Variants in FUT8 observed in about 807,000 individuals in gnomAD.
FUT8 encodes the protein fucosyltransferase 8.
A neutral mutation model predicts 71.3 loss-of-function variants in FUT8; 29 were observed. The observed-to-expected ratio is 0.41, with a 90% CI of 0.30 to 0.55. The LOEUF is 0.55. FUT8 is among the 20% of genes least tolerant of loss of function. The pLI is 0.34. For missense variants in FUT8, 544 were observed against 702.1 expected (o/e 0.77, Z 2.55); for synonymous variants, 254 against 239.3 (o/e 1.06, Z -0.57).
chr14:65,387,678 G>A, the FUT8 span, among the ~76,000 whole-genome samples: 1 of 152,186 alleles, frequency 6.6e-6, no homozygotes, highest in African/African-American at 2.4e-5. Context: ...GGTTTCTCTT[G>A]CCTGTGCTGT....
At chr14:65,357,264 G>A in the FUT8 span, among the ~76,000 whole-genome samples, 51 of 152,342 alleles carry the variant, frequency 3.3e-4, no homozygotes, top group Middle Eastern at 3.4e-3. Context: ...TGTAGTTACT[G>A]TTGTTGCTGT....
intron 2 of FUT8, among the ~76,000 whole-genome samples, chr14:65,479,419 TG>T (rs2066295406): frequency 6.6e-6 from 1 of 152,218 alleles, no homozygotes; most frequent in Non-Finnish European, 1.5e-5. Context: ...TCTCTAACAC[TG>T]GGTATTCTTG....
At chr14:65,412,049 C>T (rs2065134706), upstream of FUT8, 1 of 456,734 alleles carries the variant, frequency 2.2e-6, no homozygotes, top group Non-Finnish European at 4.4e-6. Context: ...TTCTCTTTCC[C>T]GTACTAAATA....
At chr14:65,460,094 ACATCT>A (rs1298747448) in intron 2 of FUT8, among the ~76,000 whole-genome samples, 2 of 152,206 alleles carry the variant, frequency 1.3e-5, no homozygotes, top group South Asian at 2.1e-4. Context: ...TTCTCTGGAA[ACATCT>A]CATTGTATTG....
intron 6 of FUT8, among the ~76,000 whole-genome samples, chr14:65,639,535 CACACTT>C (rs1444369027): frequency 6.6e-6 from 1 of 151,936 alleles, no homozygotes; most frequent in Non-Finnish European, 1.5e-5. Context: ...CACACACACA[CACACTT>C]TTGAAACTTC....
In FUT8 at chr14:65,643,608, C is replaced by A. The variant is rs1269274067; in HGVS notation, c.597+14002C>A. On this transcript the variant is annotated intron_variant, in intron 6 of 10. Coordinates refer to ENST00000673929, the MANE Select transcript of FUT8 (RefSeq NM_001371533.1). This position sits in a 1 kb window ranked among gnomAD's most constrained non-coding sequence, Gnocchi z 4.5. The stretch of plus-strand genomic sequence containing the variant: ...GGCGGAGCTTGCAGTGAGCAGAGAT[C>A]ATGCCACTGCACTGCAGCCTGGGCG... 6.7e-6 allele frequency among the ~76,000 whole-genome samples: 1 copy of A among 150,116 alleles called. No individual in the cohort carries two copies. The highest frequency in any genetic ancestry group is 2.0e-4 in the East Asian group (1 of 5,052).
At chr14:65,448,213 A>G (rs961948561) in intron 1 of FUT8, among the ~76,000 whole-genome samples, 36 of 152,166 alleles carry the variant, frequency 2.4e-4, no homozygotes, top group Non-Finnish European at 1.0e-4. Flanking sequence ...TAAAAACGCC[A>G]GATGATGTTT....
chr14:65,506,351 G>A lies in FUT8; in HGVS notation c.-228+50633G>A, dbSNP rs575280820. On this transcript the variant is annotated intron_variant, in intron 2 of 10. Transcript: ENST00000673929. ...TGTATTTCTTGCTATAAAAAAAGAAGTAAAGAACACTATACAGTGGACTAA... is the reference window on the plus strand; with the variant it reads ...TGTATTTCTTGCTATAAAAAAAGAAATAAAGAACACTATACAGTGGACTAA... Among the ~76,000 whole-genome samples the A allele has an allele frequency of 1.2e-3, 188 of 152,308 alleles. 1 individual carries two copies. The highest frequency in any genetic ancestry group is 4.4e-3 in the African/African-American group (183 of 41,574).
intron 1 of FUT8, chr14:65,430,107 C>G (rs1002494850): frequency 6.6e-6 from 1 of 151,798 alleles, no homozygotes. Context: ...GCAGCCTCGA[C>G]CCCTGGGGCA....
At chr14:65,730,210 T>G (rs541276457) in intron 9 of FUT8, among the ~76,000 whole-genome samples, 2 of 152,340 alleles carry the variant, frequency 1.3e-5, no homozygotes, top group South Asian at 2.1e-4. Flanking sequence ...TGATGTATAG[T>G]GTTCACACAG....
At chr14:65,397,381 C>G in the FUT8 span, among the ~76,000 whole-genome samples, 2 of 152,194 alleles carry the variant, frequency 1.3e-5, no homozygotes, top group East Asian at 3.8e-4. This position sits in a 1 kb window ranked among gnomAD's most constrained non-coding sequence, Gnocchi z 4.2. Flanking sequence ...ATCTGGTGTA[C>G]AGCAGGTCCT....
intron 9 of FUT8, among the ~76,000 whole-genome samples, chr14:65,728,900 T>C (rs1017962428): frequency 6.6e-6 from 1 of 152,202 alleles, no homozygotes; most frequent in African/African-American, 2.4e-5. Flanking sequence ...TAATGATGTA[T>C]TTCTCAGAAC....
chr14:65,696,609 T>G (rs1345359081), intron 7 of FUT8, among the ~76,000 whole-genome samples: 3 of 152,118 alleles, frequency 2.0e-5, no homozygotes, highest in African/African-American at 7.2e-5. Flanking sequence ...GATTTGTGGT[T>G]TTGTGTCTCT....
At chr14:65,429,276 G>C (rs2065433260) in intron 1 of FUT8, among the ~76,000 whole-genome samples, 2 of 152,194 alleles carry the variant, frequency 1.3e-5, no homozygotes, top group African/African-American at 4.8e-5. Flanking sequence ...GTAGTAGGAA[G>C]TATGGCTATT....
intron 6 of FUT8, among the ~76,000 whole-genome samples, chr14:65,632,392 T>G (rs1890235503): frequency 6.6e-6 from 1 of 152,188 alleles, no homozygotes; most frequent in African/African-American, 2.4e-5. Flanking sequence ...CATCTACTGT[T>G]TTTTGATTTT....
intron 1 of FUT8, among the ~76,000 whole-genome samples, chr14:65,435,214 A>G (rs1018773876): frequency 6.6e-6 from 1 of 152,158 alleles, no homozygotes; most frequent in Non-Finnish European, 1.5e-5. Flanking sequence ...ATAATATACA[A>G]TGTAAATACT....
chr14:65,720,404 C>A (rs544844030), intron 7 of FUT8, among the ~76,000 whole-genome samples: 1 of 152,356 alleles, frequency 6.6e-6, no homozygotes, highest in East Asian at 1.9e-4. Flanking sequence ...GAGTGCCATA[C>A]AAGAGCCAAG....
intron 5 of FUT8, 111 bp downstream of exon 5, chr14:65,616,484 C>A: frequency 1.0e-6 from 1 of 963,724 alleles, no homozygotes; most frequent in Non-Finnish European, 1.5e-6. Flanking sequence ...ATAGCACCTA[C>A]AATATTTAAG....
chr14:65,729,044 T>G (rs1219921705), intron 9 of FUT8, among the ~76,000 whole-genome samples: 2 of 148,870 alleles, frequency 1.3e-5, no homozygotes, highest in Non-Finnish European at 3.0e-5. Context: ...GTTTTTTTTT[T>G]TTTTTTTTTT....
Sources: gnomAD v4.1 joint callset for allele counts (sites outside exome capture counted in the v4.1 genomes callset) on GRCh38, gnomAD v4.1.1 for gene constraint, Gnocchi (gnomAD v3.1) non-coding constraint, MANE v1.5 for transcripts, NCBI Gene and HGNC (gene_info 2026-07-23, HGNC 2026-07-21) for gene names.